CTNNA3: variants seen among roughly 807,000 people sequenced by gnomAD.
CTNNA3 encodes catenin alpha 3.
A neutral mutation model predicts 95.7 loss-of-function variants in CTNNA3; 76 were observed. The observed-to-expected ratio is 0.79, with a 90% confidence interval of 0.66 to 0.96. CTNNA3 has a LOEUF of 0.96. Among genes scored for constraint, CTNNA3 ranks in the 40% least tolerant of loss-of-function variants. The pLI is 0.00. For synonymous variants in CTNNA3, 431 were observed against 374.4 expected, an observed-to-expected ratio of 1.15 and a Z score of -1.74; for missense variants, 1,191 against 1,089.8, an observed-to-expected ratio of 1.09 and a Z score of -1.31.
chr10:67,563,938 A>G (rs959584930), intron 3 of CTNNA3, among the ~76,000 whole-genome samples: 7 of 149,042 alleles, frequency 4.7e-5, no homozygotes, highest in African/African-American at 1.0e-4. Context: ...CAAAACCACA[A>G]TGAGATACCA....
intron 5 of CTNNA3, among the ~76,000 whole-genome samples, chr10:67,437,691 T>C (rs1447364592): frequency 6.6e-6 from 1 of 152,038 alleles, no homozygotes; most frequent in Non-Finnish European, 1.5e-5. Context: ...AGAACTTAAA[T>C]ATTCTTAGAT....
intron 7 of CTNNA3, among the ~76,000 whole-genome samples, chr10:67,053,659 T>C (rs1564857908): frequency 6.6e-6 from 1 of 152,126 alleles, no homozygotes; most frequent in Admixed American, 6.5e-5. Context: ...ATGCTACCAG[T>C]CAATATCTTT....
intron 3 of CTNNA3, among the ~76,000 whole-genome samples, chr10:67,559,504 A>G (rs1335603171): frequency 6.6e-6 from 1 of 152,200 alleles, no homozygotes; most frequent in East Asian, 1.9e-4. Context: ...GACCATCATC[A>G]AAGACCAAAA....
intron 1 of CTNNA3, among the ~76,000 whole-genome samples, chr10:67,733,749 C>T (rs114879453): frequency 0.012 from 1,789 of 152,272 alleles, 42 homozygotes; most frequent in African/African-American, 0.041. Context: ...TTCTAGAAAA[C>T]ACAACTTAAC....
intron 12 of CTNNA3, among the ~76,000 whole-genome samples, chr10:66,331,881 A>C (rs1222361098): frequency 6.6e-6 from 1 of 151,946 alleles, no homozygotes; most frequent in African/African-American, 2.4e-5. Context: ...GAATCTATAA[A>C]TTACCTTGGG....
intron 13 of CTNNA3, among the ~76,000 whole-genome samples, chr10:66,225,820 T>A (rs1185359175): frequency 6.6e-6 from 1 of 151,996 alleles, no homozygotes; most frequent in Non-Finnish European, 1.5e-5. Flanking sequence ...CCCCTGATGA[T>A]TAGTGATATT....
intron 11 of CTNNA3, among the ~76,000 whole-genome samples, chr10:66,444,467 G>C (rs1281761678): frequency 1.3e-5 from 2 of 152,186 alleles, no homozygotes; most frequent in African/African-American, 4.8e-5. Context: ...CAGACTAACA[G>C]TAGATCTCTT....
At chr10:66,754,067 G>T (rs1031119017) in intron 9 of CTNNA3, among the ~76,000 whole-genome samples, 9 of 152,016 alleles carry the variant, frequency 5.9e-5, no homozygotes, top group Non-Finnish European at 1.2e-4. Context: ...ACCTATAAAA[G>T]CCAAACAACC....
At chr10:67,511,547 A>G (rs1456194249) in intron 5 of CTNNA3, among the ~76,000 whole-genome samples, 1 of 152,200 alleles carries the variant, frequency 6.6e-6, no homozygotes, top group African/African-American at 2.4e-5. Context: ...GATGAAGCCT[A>G]CTTGATTGTG....
At chr10:67,184,910 T>C (rs1336646707) in intron 6 of CTNNA3, among the ~76,000 whole-genome samples, 1 of 152,186 alleles carries the variant, frequency 6.6e-6, no homozygotes, top group Non-Finnish European at 1.5e-5. Flanking sequence ...TTCTGACATG[T>C]TACAACAAGT....
intron 8 of CTNNA3, among the ~76,000 whole-genome samples, chr10:66,773,318 C>T (rs912925884): frequency 1.5e-4 from 23 of 152,120 alleles, no homozygotes; most frequent in South Asian, 4.1e-4. Flanking sequence ...TTTTTACTTA[C>T]AGATTATAGA....
chr10:66,353,165 T>G (rs892660447), intron 12 of CTNNA3, among the ~76,000 whole-genome samples: 1 of 152,106 alleles, frequency 6.6e-6, no homozygotes, highest in South Asian at 2.1e-4. Flanking sequence ...AACTTTCCAA[T>G]TTCATTAAAA....
In CTNNA3 at chr10:66,186,294, G is replaced by C. The variant is rs542601672; in HGVS notation, c.1885-83045C>G. Among the ~76,000 whole-genome samples, 361 of 151,976 alleles carry C rather than the reference G, an allele frequency of 2.4e-3. 1 individual carries two copies. The highest frequency in any genetic ancestry group is 8.1e-3 in the African/African-American group (335 of 41,496). ...AAATAAAATGTGAGTGTGTGTGTGT[G>C]TGTGTGTGTGAGAGATAGAGAGAGA... On this transcript the variant is annotated intron_variant, in intron 13 of 17. Transcript: ENST00000433211.
chr10:65,977,408 C>T (rs947250622), intron 16 of CTNNA3, among the ~76,000 whole-genome samples: 9 of 152,088 alleles, frequency 5.9e-5, no homozygotes, highest in African/African-American at 2.2e-4. Flanking sequence ...ATTAGCAAAA[C>T]GAACACTTTT....
intron 7 of CTNNA3, among the ~76,000 whole-genome samples, chr10:67,050,165 A>T (rs150396456): frequency 6.6e-6 from 1 of 152,332 alleles, no homozygotes; most frequent in East Asian, 1.9e-4. Flanking sequence ...CACATAGTGC[A>T]TGCAGAATGC....
At chr10:66,261,618 C>T (rs2091005468) in intron 13 of CTNNA3, among the ~76,000 whole-genome samples, 1 of 152,008 alleles carries the variant, frequency 6.6e-6, no homozygotes, top group Non-Finnish European at 1.5e-5. Flanking sequence ...AATCAGGCTG[C>T]ACTTTGACCC....
chr10:67,002,690 T>C lies in CTNNA3; in HGVS notation c.1047+177627A>G, dbSNP rs111411558. 3.1e-3 allele frequency among the ~76,000 whole-genome samples: 478 copies of C among 152,188 alleles called. 2 individuals are homozygous for C. The highest frequency in any genetic ancestry group is 0.011 in the African/African-American group (454 of 41,540). ...TGCCTACTTGTTTATAAAACTTGTT[T>C]CCAAAAATCAGGCTAATATAGTACT... On this transcript the variant is annotated intron_variant, in intron 7 of 17. Coordinates refer to ENST00000433211, the MANE Select transcript of CTNNA3 (RefSeq NM_013266.4).
intron 5 of CTNNA3, among the ~76,000 whole-genome samples, chr10:67,229,581 C>T (rs1865090761): frequency 1.3e-5 from 2 of 152,126 alleles, no homozygotes; most frequent in Non-Finnish European, 2.9e-5. Context: ...AAATACTCCT[C>T]CAGAAAGGTC....
At chr10:66,013,023 C>T (rs1177264994) in intron 15 of CTNNA3, among the ~76,000 whole-genome samples, 1 of 152,158 alleles carries the variant, frequency 6.6e-6, no homozygotes, top group Non-Finnish European at 1.5e-5. Context: ...TCCTCAGCCT[C>T]CCTAGTAGCT....
Sources: gnomAD v4.1 joint callset for allele counts (sites outside exome capture counted in the v4.1 genomes callset) on GRCh38, gnomAD v4.1.1 for gene constraint, MANE v1.5 for transcripts, NCBI Gene and HGNC (gene_info 2026-07-23, HGNC 2026-07-21) for gene names.